The following CDH12 variants were observed in gnomAD, a reference collection of about 807,000 sequenced individuals.
The protein encoded by CDH12 is cadherin 12.
In CDH12, 41 loss-of-function variants were observed where a neutral mutation model predicts 74.1. That is an observed-to-expected ratio of 0.55 (90% CI 0.43 to 0.72). The LOEUF is 0.72. Among genes scored for constraint, CDH12 ranks in the 30% least tolerant of loss-of-function variants. The probability of loss-of-function intolerance (pLI) is 0.00; values close to 1 mark genes in which losing one functional copy is unlikely to be tolerated. For missense variants in CDH12, 945 were observed against 977.2 expected, an observed-to-expected ratio of 0.97 and a Z score of 0.44; for synonymous variants, 399 against 355.0, an observed-to-expected ratio of 1.12 and a Z score of -1.39.
At chr5:22,806,827 T>C (rs921393151) in intron 1 of CDH12, among the ~76,000 whole-genome samples, 9 of 152,276 alleles carry the variant, frequency 5.9e-5, no homozygotes, top group Admixed American at 5.9e-4. Context: ...GGGGTTGTTT[T>C]TTTCTTGTAA....
At chr5:21,868,584 A>G (rs1296647290) in intron 6 of CDH12, among the ~76,000 whole-genome samples, 1 of 152,086 alleles carries the variant, frequency 6.6e-6, no homozygotes, top group Non-Finnish European at 1.5e-5. Flanking sequence ...AATGTTGTTT[A>G]CCCTGTTGGG....
chr5:22,041,039 C>G (rs1739538583), intron 5 of CDH12, among the ~76,000 whole-genome samples: 1 of 151,798 alleles, frequency 6.6e-6, no homozygotes, highest in South Asian at 2.1e-4. Flanking sequence ...ATCGTGACAT[C>G]AAAAATATAA....
rs145201659 is a variant in CDH12 at position 22,748,734 on chromosome 5, C to T, written c.-523+104324G>A. ...GACTGTAGCGATTGTAATGATGTGA[C>T]GACATTTCCATATTAAGTTTATTAT... On this transcript the variant is annotated intron_variant, in intron 1 of 14. Transcript: ENST00000382254. 7.9e-4 allele frequency among the ~76,000 whole-genome samples: 121 copies of T among 152,236 alleles called. 1 individual carries two copies. In the East Asian group the frequency reaches 0.019, roughly 24 times the overall value.
At chr5:22,324,348 A>G (rs1739001189) in intron 3 of CDH12, among the ~76,000 whole-genome samples, 1 of 152,062 alleles carries the variant, frequency 6.6e-6, no homozygotes, top group Non-Finnish European at 1.5e-5. Flanking sequence ...TATTCATGAG[A>G]AAAAGCTACC....
chr5:21,924,422 A>G (rs370576226), intron 6 of CDH12, among the ~76,000 whole-genome samples: 14 of 152,126 alleles, frequency 9.2e-5, no homozygotes, highest in African/African-American at 3.4e-4. Context: ...AGGCTGAGGC[A>G]GGAGAATCGC....
intron 6 of CDH12, among the ~76,000 whole-genome samples, chr5:21,943,340 A>T (rs1281815053): frequency 6.6e-6 from 1 of 152,220 alleles, no homozygotes; most frequent in East Asian, 1.9e-4. Flanking sequence ...TTTTACTTAC[A>T]TTTATATAAC....
At chr5:22,503,480 T>G (rs1235554205) in intron 2 of CDH12, among the ~76,000 whole-genome samples, 1 of 152,068 alleles carries the variant, frequency 6.6e-6, no homozygotes, top group African/African-American at 2.4e-5. Flanking sequence ...TATTTTGTTA[T>G]AGCATTCCAC....
chr5:22,581,850 C>A (rs1356077860), intron 1 of CDH12, among the ~76,000 whole-genome samples: 1 of 152,026 alleles, frequency 6.6e-6, no homozygotes, highest in Non-Finnish European at 1.5e-5. Flanking sequence ...ACTTTTCTTA[C>A]CAAATCCTGG....
At chr5:22,610,103 G>A (rs1737321601) in intron 1 of CDH12, among the ~76,000 whole-genome samples, 1 of 152,160 alleles carries the variant, frequency 6.6e-6, no homozygotes, top group Admixed American at 6.5e-5. Flanking sequence ...CAAAATAATG[G>A]AGTTTCCAAA....
At chr5:22,541,327 A>G (rs1266740917) in intron 1 of CDH12, among the ~76,000 whole-genome samples, 2 of 152,198 alleles carry the variant, frequency 1.3e-5, no homozygotes, top group African/African-American at 2.4e-5. Flanking sequence ...TAACTTGCAC[A>G]TGAAGTGTGA....
chr5:21,990,239 T>C (rs902928707), intron 5 of CDH12, among the ~76,000 whole-genome samples: 2 of 152,146 alleles, frequency 1.3e-5, no homozygotes, highest in Non-Finnish European at 2.9e-5. Flanking sequence ...TATAAAGGAA[T>C]GAATGCATGC....
At chr5:22,844,229 C>A (rs1737203312) in intron 1 of CDH12, among the ~76,000 whole-genome samples, 1 of 152,048 alleles carries the variant, frequency 6.6e-6, no homozygotes, top group African/African-American at 2.4e-5. Context: ...TGGAGTTACA[C>A]ATTAAGGTTT....
chr5:22,240,611 G>A (rs1752713315), intron 3 of CDH12, among the ~76,000 whole-genome samples: 1 of 152,178 alleles, frequency 6.6e-6, no homozygotes, highest in Non-Finnish European at 1.5e-5. Context: ...TCGGCTCACT[G>A]CAACCTCTGC....
chr5:22,117,216 T>A (rs922400813), intron 4 of CDH12, among the ~76,000 whole-genome samples: 1 of 150,698 alleles, frequency 6.6e-6, no homozygotes, highest in African/African-American at 2.4e-5. Flanking sequence ...TGATTTCACT[T>A]CTTGTATATA....
intron 1 of CDH12, among the ~76,000 whole-genome samples, chr5:22,762,457 T>C (rs890375978): frequency 6.6e-6 from 1 of 152,108 alleles, no homozygotes; most frequent in Non-Finnish European, 1.5e-5. Flanking sequence ...AATAGCATTA[T>C]TTATTAAAAT....
chr5:22,582,256 G>A (rs932525578), intron 1 of CDH12, among the ~76,000 whole-genome samples: 5 of 151,542 alleles, frequency 3.3e-5, no homozygotes, highest in African/African-American at 1.2e-4. Flanking sequence ...CCTTAATATA[G>A]ATGACATACT....
chr5:22,758,218 C>T (rs1452313373), intron 1 of CDH12, among the ~76,000 whole-genome samples: 1 of 152,152 alleles, frequency 6.6e-6, no homozygotes, highest in African/African-American at 2.4e-5. Flanking sequence ...TAAATAAATG[C>T]ATTATCTATA....
intron 4 of CDH12, among the ~76,000 whole-genome samples, chr5:22,163,027 G>A (rs1292161085): frequency 6.6e-6 from 1 of 151,710 alleles, no homozygotes; most frequent in Non-Finnish European, 1.5e-5. Context: ...CTCCTGAGTA[G>A]CTGGGATTAC....
chr5:22,561,612 A>G (rs1739052965), intron 1 of CDH12, among the ~76,000 whole-genome samples: 1 of 152,144 alleles, frequency 6.6e-6, no homozygotes, highest in Non-Finnish European at 1.5e-5. Context: ...AAAGCTATCT[A>G]ATACATTCAG....
Sources: allele counts gnomAD v4.1 joint callset (sites outside exome capture counted in the v4.1 genomes callset), GRCh38; gene constraint gnomAD v4.1.1; transcripts MANE v1.5; gene names NCBI Gene and HGNC (gene_info 2026-07-23, HGNC 2026-07-21).